Variants in GABBR1 observed in about 807,000 individuals in gnomAD.
The protein encoded by GABBR1 is GABA-B receptor, R1 subunit.
In GABBR1, 35 loss-of-function variants were observed where a neutral mutation model predicts 117.7. The ratio of observed to expected loss-of-function variants is 0.30; its 90% confidence interval spans 0.23 to 0.39. GABBR1 has a LOEUF of 0.39. GABBR1 is among the 10% of genes least tolerant of loss of function. The probability of loss-of-function intolerance (pLI) is 1.00; values close to 1 mark genes in which losing one functional copy is unlikely to be tolerated. For synonymous variants in GABBR1, 442 were observed against 486.6 expected, an observed-to-expected ratio of 0.91 and a Z score of 1.21; for missense variants, 709 against 1,241.8, an observed-to-expected ratio of 0.57 and a Z score of 6.45.
intron 11 of GABBR1, among the ~76,000 whole-genome samples, chr6:29,619,664 G>A (rs1763549117): frequency 1.6e-5 from 2 of 124,108 alleles, no homozygotes; most frequent in Admixed American, 8.1e-5. Context: ...CCAAATCCCT[G>A]TTTTCTGTCA....
Position 29,624,446 on chromosome 6 carries a change from C to T in GABBR1, c.658-422G>A, listed in dbSNP as rs181401687. Among the ~76,000 whole-genome samples the T allele has an allele frequency of 3.5e-4, 53 of 152,202 alleles. No individual in the cohort carries two copies. In the East Asian group the frequency reaches 4.6e-3, roughly 13 times the overall value. ...CATCCCCAGATAGCTTGCTCAAAGC[C>T]ATATTATGAAAATTCCTTCCTCACC... On this transcript the variant is annotated intron_variant, in intron 6 of 22. Transcript: ENST00000377034.
chr6:29,602,708 A>G lies in GABBR1; in HGVS notation c.*835T>C. On this transcript the variant is annotated 3_prime_UTR_variant, in exon 23 of 23. Transcript: ENST00000377034. ...CAAGGTACATGGAGGGTACACAGGG[A>G]AAGTACATGGATAAACATGGACGTG... 2 of 330,368 alleles carry G rather than the reference A, an allele frequency of 6.1e-6. No homozygotes were observed. The highest frequency in any genetic ancestry group is 1.2e-5 in the Non-Finnish European group (2 of 170,566). 20.5% of individuals were successfully genotyped at this position (330,368 alleles called of 1,614,324 possible). A position where few individuals can be genotyped will look rare whatever the true frequency, so the allele number is the denominator to read the frequency against.
In GABBR1 at chr6:29,621,689, C is replaced by A; in HGVS notation, c.1131+63G>T. On this transcript the variant is annotated intron_variant, in intron 10 of 22. Transcript: ENST00000377034. The surrounding 1 kb of genome is among the most constrained non-coding windows in gnomAD (Gnocchi z 5.0). Reference sequence around the variant, plus strand: ...CTCAGGCACAGATGCCAAGAGGAGGCCCCACAAGAAAACCAAGGGAAACTC... The same window carrying A: ...CTCAGGCACAGATGCCAAGAGGAGGACCCACAAGAAAACCAAGGGAAACTC... The A allele has an allele frequency of 7.2e-7, 1 of 1,388,604 alleles. No homozygotes were observed. The highest frequency in any genetic ancestry group is 1.0e-6 in the Non-Finnish European group (1 of 975,160). The allele number at this position is 1,388,604 out of a possible 1,614,324, so 86.0% of individuals were successfully genotyped here.
At chr6:29,608,784 C>G (rs370044776) in intron 15 of GABBR1, 51 bp from the exon 16 acceptor site, 2 of 1,590,872 alleles carry the variant, frequency 1.3e-6, no homozygotes, top group South Asian at 2.3e-5. Flanking sequence ...CCCCTCTTCT[C>G]CAGGGAGGCT....
rs759804056 is a variant in GABBR1, at chr6:29,627,522, C to G, written c.621G>C (p.Pro207=). The change falls in exon 6 of 23, where the codon CCG becomes CCC. Residue 207 remains proline, a synonymous_variant. Transcript: ENST00000377034. The surrounding 1 kb of genome is among the most constrained non-coding windows in gnomAD (Gnocchi z 4.4). ...EDVNSRRDIL[P]DYELKLIHHD... is the part of the protein sequence containing the mutation. ...GGTGGATGAGCTTGAGCTCATAGTC[C>G]GGCAGGATGTCCCTGCGGCTATTCA... The G allele has an allele frequency of 6.2e-7, 1 of 1,606,596 alleles. No individual in the cohort carries two copies. The highest frequency in any genetic ancestry group is 8.5e-7 in the Non-Finnish European group (1 of 1,177,368).
chr6:29,624,269 C>T (rs1268161377), intron 6 of GABBR1: 3 of 412,758 alleles, frequency 7.3e-6, no homozygotes, highest in African/African-American at 6.0e-5. Flanking sequence ...CACACCCCTC[C>T]TTTGGTATTA....
At chr6:29,619,451 G>A (rs1204175001) in intron 11 of GABBR1, among the ~76,000 whole-genome samples, 5 of 152,178 alleles carry the variant, frequency 3.3e-5, no homozygotes. Flanking sequence ...GTCAGAAAGG[G>A]ACCTTCCAAG....
At position 29,620,697 on chromosome 6, in the gene GABBR1, C is replaced by T. The variant is rs150697143; in HGVS notation, c.1323+404G>A. ...GTGAATATTAAGCAACTCTAAAACA[C>T]TAACATAAATCACCAAGAAAATGAA... On this transcript the variant is annotated intron_variant, in intron 11 of 22. Transcript: ENST00000377034. The surrounding 1 kb of genome is among the most constrained non-coding windows in gnomAD (Gnocchi z 4.5). 4.3e-3 allele frequency among the ~76,000 whole-genome samples: 652 copies of T among 152,180 alleles called. 5 individuals carry two copies. The highest frequency in any genetic ancestry group is 0.017 in the Middle Eastern group (5 of 294).
In GABBR1 at chr6:29,627,405, G is replaced by A. The variant is rs979657744; in HGVS notation, c.657+81C>T. ...GCCTCGCAATCCCAGAGACGACTCA[G>A]ACAGATGGGGGCGCGTGCAGCTGGC... On this transcript the variant is annotated intron_variant, in intron 6 of 22. Transcript: ENST00000377034. This position sits in a 1 kb window ranked among gnomAD's most constrained non-coding sequence, Gnocchi z 4.4. 7.5e-5 allele frequency: 106 copies of A among 1,410,316 alleles called. 1 individual carries two copies. In the Middle Eastern group the frequency reaches 2.1e-3, roughly 27 times the overall value. 87.4% of individuals were successfully genotyped at this position (1,410,316 alleles called of 1,614,324 possible).
In GABBR1 at chr6:29,622,588, A is replaced by T. The variant is rs1763865744; in HGVS notation, c.964-383T>A. Reference sequence around the variant, plus strand: ...AGGCAAATGGGCAGACAGACAAAGGATCAGAGAAGAATGGTCTGAATCAGA... The same window carrying T: ...AGGCAAATGGGCAGACAGACAAAGGTTCAGAGAAGAATGGTCTGAATCAGA... On this transcript the variant is annotated intron_variant, in intron 8 of 22. Transcript: ENST00000377034. This position sits in a 1 kb window ranked among gnomAD's most constrained non-coding sequence, Gnocchi z 4.6. 2.1e-5 allele frequency: 5 copies of T among 238,348 alleles called. No homozygotes were observed. The highest frequency in any genetic ancestry group is 4.1e-5 in the Non-Finnish European group (5 of 120,810). 14.8% of individuals were successfully genotyped at this position (238,348 alleles called of 1,614,324 possible).
At position 29,604,626 on chromosome 6, in the gene GABBR1, C is replaced by T. The variant is rs1761763094; in HGVS notation, c.2580G>A (p.Leu860=). 6.2e-7 allele frequency: 1 copy of T among 1,613,124 alleles called. No homozygotes were observed. Among genetic ancestry groups the T allele is most frequent in the South Asian group, 1.1e-5 (1 of 91,090 alleles). Residue 860 remains leucine, a synonymous_variant, in exon 22 of 23, where the codon CTG becomes CTA. Coordinates refer to ENST00000377034, the MANE Select transcript of GABBR1 (RefSeq NM_001470.4). This position sits in a 1 kb window ranked among gnomAD's most constrained non-coding sequence, Gnocchi z 5.3. ...VVLFVPKMRR[L]ITRGEWQSEA... is the part of the protein sequence containing the mutation. ...CCGACTGCCATTCCCCTCGGGTGAT[C>T]AGCCTGCGCATCTGGGGGCAAATGT...
chr6:29,608,865 G>A (rs1430127196), intron 15 of GABBR1, 132 bp from the exon 16 acceptor site: 1 of 1,023,024 alleles, frequency 9.8e-7, no homozygotes, highest in Non-Finnish European at 1.4e-6. Flanking sequence ...GACAGGATTG[G>A]AGAAGACAGT....
chr6:29,627,464 C>T lies in GABBR1; in HGVS notation c.657+22G>A. The T allele has an allele frequency of 6.5e-7, 1 of 1,544,240 alleles. No homozygotes were observed. Among genetic ancestry groups the T allele is most frequent in the Non-Finnish European group, 8.8e-7 (1 of 1,138,228 alleles). ...TGCCCCGCAAGCCCCCACCTCCCAC[C>T]CACCCCCATGTCCAGGGCTACCTTG... On this transcript the variant is annotated intron_variant, in intron 6 of 22. Coordinates refer to ENST00000377034, the MANE Select transcript of GABBR1 (RefSeq NM_001470.4). The surrounding 1 kb of genome is among the most constrained non-coding windows in gnomAD (Gnocchi z 4.4).
Position 29,627,394 on chromosome 6 carries a change from G to T in GABBR1, c.657+92C>A. 1 of 1,320,904 alleles carries T rather than the reference G, an allele frequency of 7.6e-7. No homozygotes were observed. Among genetic ancestry groups the T allele is most frequent in the Non-Finnish European group, 1.0e-6 (1 of 960,454 alleles). The allele number at this position is 1,320,904 out of a possible 1,614,324, so 81.8% of individuals were successfully genotyped here. A position where few individuals can be genotyped will look rare whatever the true frequency, so the allele number is the denominator to read the frequency against. On this transcript the variant is annotated intron_variant, in intron 6 of 22. Coordinates refer to ENST00000377034, the MANE Select transcript of GABBR1 (RefSeq NM_001470.4). The surrounding 1 kb of genome is among the most constrained non-coding windows in gnomAD (Gnocchi z 4.4). ...GGGAGGGGTCTGCCTCGCAATCCCA[G>T]AGACGACTCAGACAGATGGGGGCGC...
In GABBR1 at chr6:29,611,300, C is replaced by T. The variant is rs189718859; in HGVS notation, c.1631-299G>A. On this transcript the variant is annotated intron_variant, in intron 13 of 22. Transcript: ENST00000377034. The surrounding 1 kb of genome is among the most constrained non-coding windows in gnomAD (Gnocchi z 4.6). ...ATTCCATTCCTCACACCTCTCTCGG[C>T]GAGATGTCTCTCACTTTGATTTTGG... 8.9e-4 allele frequency: 298 copies of T among 333,450 alleles called. 1 individual carries two copies. The highest frequency in any genetic ancestry group is 3.9e-3 in the Middle Eastern group (5 of 1,278). The allele number at this position is 333,450 out of a possible 1,614,324, so 20.7% of individuals were successfully genotyped here.
Position 29,623,232 on chromosome 6 carries a change from A to G in GABBR1, c.963+73T>C. 1 of 1,368,978 alleles carries G rather than the reference A, an allele frequency of 7.3e-7. No homozygotes were observed. Among genetic ancestry groups the G allele is most frequent in the Non-Finnish European group, 1.0e-6 (1 of 987,552 alleles). The allele number at this position is 1,368,978 out of a possible 1,614,324, so 84.8% of individuals were successfully genotyped here. ...AATCAAGTTCTTGCCCCTAAAAGTG[A>G]CTCTCACGTCACATCTCCTGGTGCT... is the stretch of plus-strand genomic sequence containing the variant. On this transcript the variant is annotated intron_variant, in intron 8 of 22. Transcript: ENST00000377034. The surrounding 1 kb of genome is among the most constrained non-coding windows in gnomAD (Gnocchi z 6.2).
chr6:29,607,289 A>G lies in GABBR1; in HGVS notation c.1993-71T>C. The G allele has an allele frequency of 8.0e-7, 1 of 1,245,178 alleles. No individual in the cohort carries two copies. The highest frequency in any genetic ancestry group is 1.2e-6 in the Non-Finnish European group (1 of 850,900). 77.1% of individuals were successfully genotyped at this position (1,245,178 alleles called of 1,614,324 possible). On this transcript the variant is annotated intron_variant, in intron 16 of 22. Coordinates refer to ENST00000377034, the MANE Select transcript of GABBR1 (RefSeq NM_001470.4). The surrounding 1 kb of genome is among the most constrained non-coding windows in gnomAD (Gnocchi z 5.0). ...CCGGGACTGCAGTAAGGATGGGCAG[A>G]ACCCTAAGGGAGAGTGGGCAGGGAG... is the stretch of plus-strand genomic sequence containing the variant.
rs553229893 is a variant in GABBR1, at chr6:29,603,649, T to C, written c.2780A>G (p.His927Arg). 9.9e-5 allele frequency: 151 copies of C among 1,520,692 alleles called. No individual in the cohort carries two copies. The highest frequency in any genetic ancestry group is 1.3e-4 in the Non-Finnish European group (147 of 1,138,658). The allele number at this position is 1,520,692 out of a possible 1,614,324, so 94.2% of individuals were successfully genotyped here. The change falls in exon 23 of 23, where the codon CAC becomes CGC. Residue 927 changes from histidine to arginine, a missense_variant. Around this residue, in one of 9 missense-constraint regions of GABBR1, gnomAD observed 69 missense variants for 64.3 expected, o/e 1.07. Transcript: ENST00000377034. ...AGAGGGTTCTGGGGGTGTCGGTGGG[T>C]GGCGCCGGGAGCGGAGCTGCTGCCG... ...QSRQQLRSRR[H>R]PPTPPEPSGG...
rs1763801491 is a variant in GABBR1 at position 29,622,004 on chromosome 6, G to T, written c.1065+100C>A. 2 of 1,152,862 alleles carry T rather than the reference G, an allele frequency of 1.7e-6. No homozygotes were observed. Among genetic ancestry groups the T allele is most frequent in the South Asian group, 1.3e-5 (1 of 77,846 alleles). The allele number at this position is 1,152,862 out of a possible 1,614,324, so 71.4% of individuals were successfully genotyped here. A position where few individuals can be genotyped will look rare whatever the true frequency, so the allele number is the denominator to read the frequency against. On this transcript the variant is annotated intron_variant, in intron 9 of 22. Transcript: ENST00000377034. The surrounding 1 kb of genome is among the most constrained non-coding windows in gnomAD (Gnocchi z 4.6). ...CCCCAGGAGATGCTATTGCCTCAGA[G>T]AATCAAAACCTGCCCCCGCCTGGCT...
Sources: allele counts gnomAD v4.1 joint callset (sites outside exome capture counted in the v4.1 genomes callset), GRCh38; gene constraint gnomAD v4.1.1; regional missense constraint gnomAD v4.1.1; non-coding constraint Gnocchi (gnomAD v3.1); transcripts MANE v1.5; gene names NCBI Gene and HGNC (gene_info 2026-07-23, HGNC 2026-07-21).